The following HELZ variants were observed in gnomAD, a reference collection of about 807,000 sequenced individuals.
HELZ encodes helicase with zinc finger.
In HELZ, 23 loss-of-function variants were observed where a neutral mutation model predicts 218.2. The observed-to-expected ratio is 0.11, with a 90% CI of 0.08 to 0.15. HELZ has a LOEUF of 0.15. HELZ is among the 10% of genes least tolerant of loss of function. The pLI is 1.00. For synonymous variants in HELZ, 814 were observed against 829.4 expected (o/e 0.98, Z 0.32); for missense variants, 1,813 against 2,353.7 (o/e 0.77, Z 4.75).
At chr17:67,125,910 C>T (rs372911501) in intron 24 of HELZ, among the ~76,000 whole-genome samples, 13 of 152,262 alleles carry the variant, frequency 8.5e-5, no homozygotes, top group South Asian at 6.2e-4. Flanking sequence ...ATTCAATGCA[C>T]CACTGCTGGC....
At chr17:67,151,952 C>G (rs8068815) in intron 17 of HELZ, among the ~76,000 whole-genome samples, 151,894 of 152,328 alleles carry the variant, frequency 1, 75,730 homozygotes, top group Middle Eastern at 1. Context: ...CTCCAGCACA[C>G]AGGCAGATCA....
intron 5 of HELZ, among the ~76,000 whole-genome samples, chr17:67,206,921 G>C (rs537695745): frequency 7.6e-6 from 1 of 131,846 alleles, no homozygotes; most frequent in African/African-American, 2.9e-5. Context: ...GTTTTTTTGG[G>C]TTTTTTTTGA....
intron 17 of HELZ, among the ~76,000 whole-genome samples, chr17:67,157,965 C>T (rs926597848): frequency 1.3e-5 from 2 of 152,176 alleles, no homozygotes; most frequent in Non-Finnish European, 2.9e-5. Context: ...ATTTTCCCCT[C>T]TATTCCATTT....
chr17:67,105,338 T>A (rs888304210), intron 31 of HELZ, among the ~76,000 whole-genome samples: 1 of 152,194 alleles, frequency 6.6e-6, no homozygotes, highest in Non-Finnish European at 1.5e-5. Context: ...ACTCCTAAGT[T>A]ACAGTGTGGA....
At chr17:67,089,129 A>C (rs1349320990) in intron 31 of HELZ, among the ~76,000 whole-genome samples, 1 of 152,240 alleles carries the variant, frequency 6.6e-6, no homozygotes, top group Non-Finnish European at 1.5e-5. Flanking sequence ...ACTAAAGTAC[A>C]AAACTAACGT....
chr17:67,091,061 T>C (rs1435497854), intron 31 of HELZ, among the ~76,000 whole-genome samples: 1 of 152,096 alleles, frequency 6.6e-6, no homozygotes, highest in African/African-American at 2.4e-5. Flanking sequence ...GCTATAAATT[T>C]CCCTCTGACA....
rs2036003573 is a variant in HELZ, at chr17:67,075,842, C to A, written c.*2410G>T. 2 of 152,530 alleles carry A rather than the reference C, an allele frequency of 1.3e-5. No homozygotes were observed. Among genetic ancestry groups the A allele is most frequent in the Non-Finnish European group, 2.9e-5 (2 of 68,018 alleles). The allele number at this position is 152,530 out of a possible 1,614,324, so 9.4% of individuals were successfully genotyped here. ...CATATACTCACAGCAGAGCGGTGGG[C>A]CAATAAGTAGCTATTATTTTTAGTT... On this transcript the variant is annotated 3_prime_UTR_variant, in exon 33 of 33. Transcript: ENST00000358691.
chr17:67,121,119 A>G (rs927840281), intron 26 of HELZ, among the ~76,000 whole-genome samples: 3 of 152,194 alleles, frequency 2.0e-5, no homozygotes, highest in African/African-American at 7.2e-5. Context: ...TTCATTTATT[A>G]TAGGTAAAAT....
intron 31 of HELZ, among the ~76,000 whole-genome samples, chr17:67,097,251 T>A (rs1452379240): frequency 2.0e-5 from 3 of 152,142 alleles, no homozygotes; most frequent in African/African-American, 7.2e-5. Context: ...TAAAATACTG[T>A]GAGAATTGTC....
intron 12 of HELZ, 147 bp from the exon 13 acceptor site, chr17:67,179,073 C>T: frequency 1.8e-6 from 1 of 561,070 alleles, no homozygotes; most frequent in Non-Finnish European, 3.1e-6. Context: ...AATGCAAATA[C>T]CCATTGACTA....
chr17:67,200,223 A>G (rs932193045), intron 7 of HELZ, among the ~76,000 whole-genome samples: 1 of 152,204 alleles, frequency 6.6e-6, no homozygotes, highest in African/African-American at 2.4e-5. Context: ...AAAAATAAAA[A>G]TACTTTTATA....
intron 5 of HELZ, among the ~76,000 whole-genome samples, chr17:67,212,320 A>AAAAAAAAAAAAAAAAAG (rs2040477856): frequency 6.9e-6 from 1 of 145,090 alleles, no homozygotes; most frequent in Non-Finnish European, 1.5e-5. Context: ...ATCTCAAAAA[A>AAAAAAAAAAAAAAAAAG]AAAAAAAAAA....
rs137869419 is a variant in HELZ at position 67,169,922 on chromosome 17, G to A, written c.1431-2126C>T. Among the ~76,000 whole-genome samples the A allele has an allele frequency of 9.2e-4, 140 of 152,284 alleles. 1 individual carries two copies. The highest frequency in any genetic ancestry group is 3.3e-3 in the African/African-American group (136 of 41,562). Reference sequence around the variant, plus strand: ...AAGGGAAAACTAGGCAAGAAGAAAGGAATAAGTGGTTCCAAGTAAGTCCAA... The same window carrying A: ...AAGGGAAAACTAGGCAAGAAGAAAGAAATAAGTGGTTCCAAGTAAGTCCAA... On this transcript the variant is annotated intron_variant, in intron 13 of 32. Coordinates refer to ENST00000358691, the MANE Select transcript of HELZ (RefSeq NM_014877.4).
chr17:67,238,178 T>C (rs1488720870), intron 3 of HELZ, among the ~76,000 whole-genome samples: 1 of 148,698 alleles, frequency 6.7e-6, no homozygotes, highest in Admixed American at 6.7e-5. Flanking sequence ...ACCCCGTCTT[T>C]ACTAAAAATA....
chr17:67,092,601 C>T (rs1304489966), intron 31 of HELZ, among the ~76,000 whole-genome samples: 1 of 152,166 alleles, frequency 6.6e-6, no homozygotes, highest in East Asian at 1.9e-4. Context: ...ACTAAAAAGT[C>T]CCCAGTGAAA....
chr17:67,219,094 T>C (rs1316765638), intron 3 of HELZ, among the ~76,000 whole-genome samples: 1 of 152,214 alleles, frequency 6.6e-6, no homozygotes, highest in Non-Finnish European at 1.5e-5. Context: ...GAGGCAAATT[T>C]AGAAATGAAA....
intron 31 of HELZ, among the ~76,000 whole-genome samples, chr17:67,091,048 T>C (rs181684605): frequency 6.6e-6 from 1 of 152,200 alleles, no homozygotes; most frequent in East Asian, 1.9e-4. Context: ...AATTCTAATA[T>C]AAGCTATAAA....
chr17:67,142,742 G>A (rs1334541460), intron 21 of HELZ, among the ~76,000 whole-genome samples: 1 of 93,012 alleles, frequency 1.1e-5, no homozygotes, highest in African/African-American at 5.7e-5. Context: ...GATAAAGAGG[G>A]ATATTTATTT....
chr17:67,103,355 A>C (rs1365808153), intron 31 of HELZ, among the ~76,000 whole-genome samples: 1 of 152,196 alleles, frequency 6.6e-6, no homozygotes, highest in African/African-American at 2.4e-5. Flanking sequence ...TCCATATAAA[A>C]AAGCCTAAGA....
Sources: gnomAD v4.1 joint callset for allele counts (sites outside exome capture counted in the v4.1 genomes callset) on GRCh38, gnomAD v4.1.1 for gene constraint, MANE v1.5 for transcripts, NCBI Gene and HGNC (gene_info 2026-07-23, HGNC 2026-07-21) for gene names.